Variants in CSNK1G1 observed in about 807,000 individuals in gnomAD.
The protein encoded by CSNK1G1 is casein kinase 1 gamma 1, also known as casein kinase I isoform gamma-1.
In CSNK1G1, 22 loss-of-function variants were observed where a neutral mutation model predicts 59.6. The observed-to-expected ratio is 0.37, with a 90% CI of 0.26 to 0.53. The LOEUF (loss-of-function observed/expected upper bound fraction) is 0.53. Among genes scored for constraint, CSNK1G1 ranks in the 20% least tolerant of loss-of-function variants. The pLI is 0.89. For missense variants in CSNK1G1, 384 were observed against 519.5 expected (o/e 0.74, Z 2.54); for synonymous variants, 179 against 177.1 (o/e 1.01, Z -0.08).
chr15:64,281,995 C>T (rs1379210343), intron 2 of CSNK1G1, among the ~76,000 whole-genome samples: 1 of 151,318 alleles, frequency 6.6e-6, no homozygotes, highest in African/African-American at 2.4e-5. Flanking sequence ...AATCTAGGCT[C>T]AGCGCAGCCT....
rs957966146 is a variant in CSNK1G1, at chr15:64,167,786, G to C, written c.*4145C>G. The C allele has an allele frequency of 5.9e-5, 9 of 152,590 alleles. No individual in the cohort carries two copies. The highest frequency in any genetic ancestry group is 2.0e-4 in the Admixed American group (3 of 15,284). The allele number at this position is 152,590 out of a possible 1,614,324, so 9.5% of individuals were successfully genotyped here. On this transcript the variant is annotated 3_prime_UTR_variant, in exon 12 of 12. Coordinates refer to ENST00000303052, the MANE Select transcript of CSNK1G1 (RefSeq NM_022048.5). ...TGTGGGCTTGGGAGATGCATCAAAC[G>C]AAAGTTCCTCTGAGAAGACGTTTTC... is the stretch of plus-strand genomic sequence containing the variant.
intron 10 of CSNK1G1, among the ~76,000 whole-genome samples, chr15:64,201,605 C>T (rs1305498526): frequency 6.6e-6 from 1 of 151,996 alleles, no homozygotes; most frequent in Non-Finnish European, 1.5e-5. Flanking sequence ...AATGGCTTTC[C>T]TCCTTTTACA....
intron 2 of CSNK1G1, among the ~76,000 whole-genome samples, chr15:64,273,483 T>C (rs1159237495): frequency 6.6e-6 from 1 of 152,158 alleles, no homozygotes; most frequent in Non-Finnish European, 1.5e-5. Context: ...ATAAGTCTAA[T>C]TTTTATTACT....
chr15:64,237,855 G>GCGACTT (rs1445128467), intron 4 of CSNK1G1, among the ~76,000 whole-genome samples: 3 of 152,150 alleles, frequency 2.0e-5, no homozygotes, highest in Non-Finnish European at 2.9e-5. Context: ...TTCCCTCCAA[G>GCGACTT]CGACTTCGAA....
intron 4 of CSNK1G1, among the ~76,000 whole-genome samples, chr15:64,231,275 G>A (rs1477170041): frequency 6.7e-6 from 1 of 149,378 alleles, no homozygotes; most frequent in African/African-American, 2.4e-5. Context: ...GCAGTGAGCT[G>A]TGATGACACC....
chr15:64,316,093 C>G lies in CSNK1G1; in HGVS notation c.-224-15370G>C, dbSNP rs74321379. Among the ~76,000 whole-genome samples, 1,053 of 152,236 alleles carry G rather than the reference C, an allele frequency of 6.9e-3. 11 individuals are homozygous for G. The highest frequency in any genetic ancestry group is 0.017 in the African/African-American group (710 of 41,528). ...CTACGCCGGAGTGCAGTAGCATGGT[C>G]AGAGCTCATGGCAGCCTTGAACTCC... On this transcript the variant is annotated intron_variant, in intron 1 of 11. Coordinates refer to ENST00000303052, the MANE Select transcript of CSNK1G1 (RefSeq NM_022048.5).
chr15:64,346,832 A>C (rs1898004386), intron 1 of CSNK1G1, among the ~76,000 whole-genome samples: 1 of 152,162 alleles, frequency 6.6e-6, no homozygotes, highest in South Asian at 2.1e-4. Context: ...CCTTATTAAA[A>C]ACTTCTGCAC....
chr15:64,173,620 T>A (rs1357393364), intron 11 of CSNK1G1, among the ~76,000 whole-genome samples: 1 of 99,206 alleles, frequency 1.0e-5, no homozygotes, highest in Non-Finnish European at 1.9e-5. Context: ...TTTTCTTTTC[T>A]TTTTTTTTTT....
chr15:64,175,570 T>C (rs2081731902), intron 11 of CSNK1G1, among the ~76,000 whole-genome samples: 1 of 152,124 alleles, frequency 6.6e-6, no homozygotes, highest in South Asian at 2.1e-4. Flanking sequence ...TAAAAATACA[T>C]TCCAGGAACC....
At chr15:64,248,564 G>A (rs933329815) in intron 4 of CSNK1G1, among the ~76,000 whole-genome samples, 1 of 152,176 alleles carries the variant, frequency 6.6e-6, no homozygotes, top group East Asian at 1.9e-4. Context: ...GCAGGGAGTG[G>A]GGAGAGTGGG....
At chr15:64,322,485 G>C (rs1411052636) in intron 1 of CSNK1G1, among the ~76,000 whole-genome samples, 2 of 151,600 alleles carry the variant, frequency 1.3e-5, no homozygotes, top group African/African-American at 2.4e-5. Context: ...TTACCAGCAT[G>C]AGCCGCCATG....
intron 4 of CSNK1G1, among the ~76,000 whole-genome samples, chr15:64,242,566 C>T (rs1741648435): frequency 6.6e-6 from 1 of 152,194 alleles, no homozygotes; most frequent in Admixed American, 6.5e-5. Context: ...AATTAAACCT[C>T]TTTTCTTTAT....
chr15:64,264,466 T>C (rs1892873920), intron 2 of CSNK1G1, among the ~76,000 whole-genome samples: 1 of 152,168 alleles, frequency 6.6e-6, no homozygotes, highest in South Asian at 2.1e-4. Context: ...AAATATAAAT[T>C]CTTTTCAAAC....
At chr15:64,336,729 G>A (rs1217704403) in intron 1 of CSNK1G1, among the ~76,000 whole-genome samples, 1 of 152,048 alleles carries the variant, frequency 6.6e-6, no homozygotes, top group African/African-American at 2.4e-5. Flanking sequence ...AAGTTTACAG[G>A]TTAGTAACAG....
At chr15:64,347,490 C>T (rs1325617697) in intron 1 of CSNK1G1, among the ~76,000 whole-genome samples, 1 of 151,366 alleles carries the variant, frequency 6.6e-6, no homozygotes, top group African/African-American at 2.4e-5. Flanking sequence ...CTGGCTTGCA[C>T]CTGTAGTCCA....
chr15:64,275,648 T>C (rs1289432440), intron 2 of CSNK1G1, among the ~76,000 whole-genome samples: 1 of 152,118 alleles, frequency 6.6e-6, no homozygotes, highest in Non-Finnish European at 1.5e-5. Flanking sequence ...AGACAGACAA[T>C]GCTCAAATGT....
chr15:64,193,884 T>A (rs993122192), intron 10 of CSNK1G1: 1 of 152,206 alleles, frequency 6.6e-6, no homozygotes, highest in Non-Finnish European at 1.5e-5. Flanking sequence ...AGTTTCCTCC[T>A]ACAAGGAGCT....
At chr15:64,184,754 C>G (rs1454755832) in intron 10 of CSNK1G1, among the ~76,000 whole-genome samples, 1 of 151,762 alleles carries the variant, frequency 6.6e-6, no homozygotes, top group Non-Finnish European at 1.5e-5. Flanking sequence ...ATTAATCGCT[C>G]ATTACTCTGG....
chr15:64,178,758 G>A (rs1475362683), intron 11 of CSNK1G1, among the ~76,000 whole-genome samples: 5 of 151,894 alleles, frequency 3.3e-5, no homozygotes, highest in African/African-American at 7.3e-5. Flanking sequence ...GGGATTACAC[G>A]TGTGAGCCAC....
Sources: gnomAD v4.1 joint callset for allele counts (sites outside exome capture counted in the v4.1 genomes callset) on GRCh38, gnomAD v4.1.1 for gene constraint, MANE v1.5 for transcripts, NCBI Gene and HGNC (gene_info 2026-07-23, HGNC 2026-07-21) for gene names.